The following RGS3 variants were observed in gnomAD, a reference collection of about 807,000 sequenced individuals.
RGS3 encodes regulator of G protein signaling 3, also known as regulator of G-protein signalling 3.
RGS3 carries 80 observed loss-of-function variants against 132.6 expected under a neutral mutation model. The ratio of observed to expected loss-of-function variants is 0.60; its 90% CI spans 0.50 to 0.73. The LOEUF is 0.73. RGS3 is among the 30% of genes least tolerant of loss of function. The pLI, the probability that RGS3 is intolerant of heterozygous loss-of-function variation, is 0.00. For missense variants in RGS3, 1,382 were observed against 1,530.8 expected, an observed-to-expected ratio of 0.90 and a Z score of 1.62; for synonymous variants, 598 against 620.6, an observed-to-expected ratio of 0.96 and a Z score of 0.54.
chr9:113,464,542 C>T lies in RGS3; in HGVS notation c.415+2341C>T, dbSNP rs112559881. Among the ~76,000 whole-genome samples the T allele has an allele frequency of 4.6e-3, 704 of 152,306 alleles. 5 individuals are homozygous for T. The highest frequency in any genetic ancestry group is 8.1e-3 in the Non-Finnish European group (551 of 68,004). ...CAAAGGTCTGGGCAAACCTGGCCTT[C>T]CTGGTAGCCATAGTAAAGGTAACAA... On this transcript the variant is annotated intron_variant, in intron 3 of 24. Coordinates refer to ENST00000350696, the Ensembl canonical transcript of RGS3.
At chr9:113,487,559 T>C (rs1038029932) in intron 7 of RGS3, among the ~76,000 whole-genome samples, 8 of 152,206 alleles carry the variant, frequency 5.3e-5, no homozygotes, top group Admixed American at 2.6e-4. Flanking sequence ...TCCAGGTGGT[T>C]GGACCCCAGG....
intron 15 of RGS3, among the ~76,000 whole-genome samples, chr9:113,515,372 C>A (rs1831601713): frequency 6.6e-6 from 1 of 152,146 alleles, no homozygotes; most frequent in South Asian, 2.1e-4. Flanking sequence ...TGGCTCACGC[C>A]TGTAATCCCA....
Position 113,485,721 on chromosome 9 carries a change from G to C in RGS3, c.689+28G>C, listed in dbSNP as rs375923093. 8.4e-4 allele frequency: 1,303 copies of C among 1,546,058 alleles called. 1 individual carries two copies. The highest frequency in any genetic ancestry group is 9.2e-4 in the Non-Finnish European group (1,045 of 1,135,370). On this transcript the variant is annotated intron_variant, in intron 7 of 24. Transcript: ENST00000350696. Reference sequence around the variant, plus strand: ...GAGGAGAGCTGCTGAGCTGGAGGGGGACTCTGCTCTGGGCTAGTGGGTGAC... The same window carrying C: ...GAGGAGAGCTGCTGAGCTGGAGGGGCACTCTGCTCTGGGCTAGTGGGTGAC...
chr9:113,450,992 A>G (rs1367073580), intron 1 of RGS3, among the ~76,000 whole-genome samples: 3 of 151,444 alleles, frequency 2.0e-5, no homozygotes, highest in Non-Finnish European at 3.0e-5. Context: ...AGCCTGGCCA[A>G]TATGGTGAAA....
intron 6 of RGS3, 85 bp from the exon 5 acceptor site, chr9:113,485,540 T>G: frequency 9.8e-7 from 1 of 1,016,386 alleles, no homozygotes; most frequent in South Asian, 1.4e-5. Flanking sequence ...TTCCACATTT[T>G]TGGAATTATG....
chr9:113,584,067 C>T (rs768358175), exon 20 of RGS3: 51 of 1,613,908 alleles, frequency 3.2e-5, no homozygotes, highest in Middle Eastern at 1.7e-4. Context: ...CAGAAGAGGC[C>T]GAGGAGGTGG....
chr9:113,501,360 C>A, intron 10 of RGS3: 1 of 1,301,012 alleles, frequency 7.7e-7, no homozygotes. Context: ...CTCCCTCTTC[C>A]TTGTCATTCT....
At chr9:113,583,064 C>T (rs910540063) in intron 19 of RGS3, 19 of 242,910 alleles carry the variant, frequency 7.8e-5, no homozygotes, top group African/African-American at 3.2e-4. Flanking sequence ...CCAGAGGCAA[C>T]TTTGACCCTG....
intron 18 of RGS3, 65 bp from the exon 17 acceptor site, chr9:113,536,731 C>T: frequency 6.3e-7 from 1 of 1,581,146 alleles, no homozygotes; most frequent in Non-Finnish European, 8.6e-7. Flanking sequence ...TGGGCTTGGG[C>T]CTGGGAGCCC....
At chr9:113,516,060 A>G (rs1254930349) in intron 15 of RGS3, among the ~76,000 whole-genome samples, 5 of 152,262 alleles carry the variant, frequency 3.3e-5, no homozygotes, top group African/African-American at 1.2e-4. Flanking sequence ...CATATTGACA[A>G]ATTGCTTTGC....
chr9:113,462,727 G>A (rs1248999195), intron 3 of RGS3, among the ~76,000 whole-genome samples: 2 of 152,182 alleles, frequency 1.3e-5, no homozygotes, highest in Admixed American at 1.3e-4. Flanking sequence ...CTCAGCCTCT[G>A]GCATCTGGTA....
At chr9:113,593,815 A>G (rs1835570730) in intron 21 of RGS3, 2 of 1,146,382 alleles carry the variant, frequency 1.7e-6, no homozygotes, top group Non-Finnish European at 2.5e-6. Flanking sequence ...AAAAATAGCC[A>G]GTCCTGCCAC....
In RGS3 at chr9:113,537,729, C is replaced by T. The variant is rs1015525826; in HGVS notation, c.2037+811C>T. On this transcript the variant is annotated intron_variant, in intron 19 of 24. Transcript: ENST00000350696. This position sits in a 1 kb window ranked among gnomAD's most constrained non-coding sequence, Gnocchi z 4.3. Reference sequence around the variant, plus strand: ...GATGAAAGAAAGCTGCAGCCTGTAACTTGCTGGCCTTTTCACTTCTCCCTG... The same window carrying T: ...GATGAAAGAAAGCTGCAGCCTGTAATTTGCTGGCCTTTTCACTTCTCCCTG... 6.6e-6 allele frequency among the ~76,000 whole-genome samples: 1 copy of T among 152,208 alleles called. No homozygotes were observed. Among genetic ancestry groups the T allele is most frequent in the Admixed American group, 6.5e-5 (1 of 15,290 alleles).
rs1831159513 is a variant in RGS3 at position 113,507,039 on chromosome 9, G to C, written c.1086-248G>C. ...TGGATTGAGTATGGAACTCTTTCCT[G>C]TTGAAACTGGCCTGGCCTCAGGGTC... On this transcript the variant is annotated intron_variant, in intron 12 of 24. Transcript: ENST00000350696. This position sits in a 1 kb window ranked among gnomAD's most constrained non-coding sequence, Gnocchi z 5.0. 6.6e-6 allele frequency among the ~76,000 whole-genome samples: 1 copy of C among 152,152 alleles called. No homozygotes were observed. The highest frequency in any genetic ancestry group is 1.5e-5 in the Non-Finnish European group (1 of 68,028).
chr9:113,581,918 C>T, intron 19 of RGS3: 1 of 542,986 alleles, frequency 1.8e-6, no homozygotes, highest in Non-Finnish European at 2.3e-6. Flanking sequence ...CCCTTCCCGA[C>T]CTTGGCCAGA....
At chr9:113,545,057 A>G (rs1390585258) in intron 19 of RGS3, among the ~76,000 whole-genome samples, 3 of 152,248 alleles carry the variant, frequency 2.0e-5, no homozygotes, top group Non-Finnish European at 4.4e-5. Context: ...AAGATTTGAA[A>G]AAAGCCTAAA....
chr9:113,464,385 AGAAC>A (rs1026196699), intron 3 of RGS3, among the ~76,000 whole-genome samples: 9 of 152,318 alleles, frequency 5.9e-5, no homozygotes, highest in African/African-American at 2.2e-4. Flanking sequence ...CCTCCAAGAA[AGAAC>A]AATCCCTTAG....
chr9:113,527,454 A>G (rs1001783237), intron 17 of RGS3, among the ~76,000 whole-genome samples: 1 of 152,238 alleles, frequency 6.6e-6, no homozygotes, highest in Admixed American at 6.5e-5. Flanking sequence ...CTCCACCCTC[A>G]GCAACACAAG....
At chr9:113,596,976 C>A (rs375809753) in exon 25 of RGS3, 1 of 1,574,846 alleles carries the variant, frequency 6.3e-7, no homozygotes, top group Non-Finnish European at 8.6e-7. Context: ...TCGAGCTCAG[C>A]GTTCACACCA....
Sources: gnomAD v4.1 joint callset for allele counts (sites outside exome capture counted in the v4.1 genomes callset) on GRCh38, gnomAD v4.1.1 for gene constraint, Gnocchi (gnomAD v3.1) non-coding constraint, MANE v1.5 for transcripts, NCBI Gene and HGNC (gene_info 2026-07-23, HGNC 2026-07-21) for gene names.